Variants in LUZP2 observed in about 807,000 individuals in gnomAD.
LUZP2 encodes leucine zipper protein 2.
In LUZP2, 52 loss-of-function variants were observed where a neutral mutation model predicts 51.6. The ratio of observed to expected loss-of-function variants is 1.01; its 90% CI spans 0.81 to 1.27. The LOEUF is 1.27. Ranked by LOEUF, LUZP2 falls within the 50% of genes most tolerant of loss-of-function variation. The pLI is 0.00. For synonymous variants in LUZP2, 154 were observed against 137.3 expected, an observed-to-expected ratio of 1.12 and a Z score of -0.85; for missense variants, 436 against 395.4, an observed-to-expected ratio of 1.10 and a Z score of -0.87.
At chr11:24,809,687 C>T (rs534658081) in intron 5 of LUZP2, among the ~76,000 whole-genome samples, 2 of 152,102 alleles carry the variant, frequency 1.3e-5, no homozygotes, top group South Asian at 2.1e-4. Flanking sequence ...TTTTAAATAA[C>T]ATTTCTTTCT....
intron 1 of LUZP2, among the ~76,000 whole-genome samples, chr11:24,622,351 T>C (rs1179281687): frequency 1.3e-5 from 2 of 151,718 alleles, no homozygotes; most frequent in Non-Finnish European, 2.9e-5. Context: ...ATTGTTCAAT[T>C]CCCACCTATG....
chr11:24,738,896 G>A, intron 4 of LUZP2, among the ~76,000 whole-genome samples: 1 of 152,038 alleles, frequency 6.6e-6, no homozygotes, highest in East Asian at 1.9e-4. Context: ...GTGTTTCTGA[G>A]AGCCATGCTG....
intron 4 of LUZP2, among the ~76,000 whole-genome samples, chr11:24,739,821 A>T (rs1262961490): frequency 6.6e-6 from 1 of 152,084 alleles, no homozygotes; most frequent in Non-Finnish European, 1.5e-5. Flanking sequence ...TCATGTAAGG[A>T]TTCACTGTTA....
At chr11:24,906,616 ACT>A (rs1413065772) in intron 6 of LUZP2, among the ~76,000 whole-genome samples, 1 of 152,116 alleles carries the variant, frequency 6.6e-6, no homozygotes, top group African/African-American at 2.4e-5. Context: ...TATTCTTATG[ACT>A]CTGTAATGTG....
At chr11:24,753,960 G>A (rs1859683084) in intron 4 of LUZP2, among the ~76,000 whole-genome samples, 1 of 152,074 alleles carries the variant, frequency 6.6e-6, no homozygotes, top group Admixed American at 6.5e-5. Context: ...TAGTATTGGG[G>A]GACCAGCCAA....
At chr11:24,512,583 A>G (rs1235779141) in intron 1 of LUZP2, among the ~76,000 whole-genome samples, 1 of 152,182 alleles carries the variant, frequency 6.6e-6, no homozygotes, top group Non-Finnish European at 1.5e-5. Context: ...TATTTCAAAT[A>G]TCTAAATCAT....
chr11:24,724,386 A>C (rs1030832021), intron 1 of LUZP2, among the ~76,000 whole-genome samples: 1 of 152,116 alleles, frequency 6.6e-6, no homozygotes, highest in East Asian at 1.9e-4. Context: ...CCTGGGTAAC[A>C]TGGCAAAACC....
Position 24,508,472 on chromosome 11 carries a change from T to C in LUZP2, c.62+11167T>C, listed in dbSNP as rs151098338. On this transcript the variant is annotated intron_variant, in intron 1 of 11. Coordinates refer to ENST00000336930, the MANE Select transcript of LUZP2 (RefSeq NM_001009909.4). ...TTGTGGTAAAAGAAAAATAATCATA[T>C]ATTAGCATGGTAATATCTTTATGTG... is the stretch of plus-strand genomic sequence containing the variant. Among the ~76,000 whole-genome samples, 9 of 152,290 alleles carry C rather than the reference T, an allele frequency of 5.9e-5. No individual in the cohort carries two copies. The East Asian group carries it at 1.5e-3, about 26-fold the overall frequency.
chr11:24,619,222 C>A (rs917436403), intron 1 of LUZP2, among the ~76,000 whole-genome samples: 1 of 151,926 alleles, frequency 6.6e-6, no homozygotes, highest in African/African-American at 2.4e-5. Flanking sequence ...CTTGTAGAGA[C>A]AGTATCTTGC....
At chr11:24,803,369 A>G (rs1849751492) in intron 5 of LUZP2, among the ~76,000 whole-genome samples, 1 of 152,060 alleles carries the variant, frequency 6.6e-6, no homozygotes, top group African/African-American at 2.4e-5. Context: ...AAACAACAAC[A>G]GAAAACACAT....
chr11:25,015,201 CAT>C (rs1290210912), intron 9 of LUZP2, among the ~76,000 whole-genome samples: 2 of 152,084 alleles, frequency 1.3e-5, no homozygotes, highest in African/African-American at 4.8e-5. Flanking sequence ...AAGAAAGAAA[CAT>C]TATTATCCTG....
At position 25,004,301 on chromosome 11, in the gene LUZP2, A is replaced by G. The variant is rs564142354; in HGVS notation, c.765+21008A>G. 7.2e-5 allele frequency among the ~76,000 whole-genome samples: 11 copies of G among 152,246 alleles called. No homozygotes were observed. In the South Asian group the frequency reaches 2.3e-3, roughly 32 times the overall value. On this transcript the variant is annotated intron_variant, in intron 9 of 11. Coordinates refer to ENST00000336930, the MANE Select transcript of LUZP2 (RefSeq NM_001009909.4). ...CTTTTTTAAAGTGTCCTTGTAAACA[A>G]TACTGCTAACAAGCCCTACCAGATG...
chr11:24,689,396 C>T (rs1032347275), intron 1 of LUZP2, among the ~76,000 whole-genome samples: 4 of 152,156 alleles, frequency 2.6e-5, no homozygotes, highest in African/African-American at 9.7e-5. Context: ...GTCCTATACC[C>T]ATTAAACTCT....
rs1853715518 is a variant in LUZP2, at chr11:24,602,178, G to GTACATATATGTGTATATA, written c.62+104874_62+104875insACATATATGTGTATATAT. On this transcript the variant is annotated intron_variant, in intron 1 of 11. Transcript: ENST00000336930. ...TATATGTATATATGTGTATATATAT[G>GTACATATATGTGTATATA]TGTATATATGTATATATGTACATAT... 1.8e-5 allele frequency among the ~76,000 whole-genome samples: 2 copies of GTACATATATGTGTATATA among 112,052 alleles called. 1 individual carries two copies. Among genetic ancestry groups the GTACATATATGTGTATATA allele is most frequent in the African/African-American group, 6.8e-5 (2 of 29,306 alleles). 73.5% of individuals were successfully genotyped at this position (112,052 alleles called of 152,430 possible). A position where few individuals can be genotyped will look rare whatever the true frequency, so the allele number is the denominator to read the frequency against.
intron 9 of LUZP2, among the ~76,000 whole-genome samples, chr11:24,993,859 T>A (rs1325432989): frequency 4.0e-5 from 6 of 148,494 alleles, no homozygotes; most frequent in Admixed American, 4.0e-4. Context: ...TCCATTTCTT[T>A]TTTTTGGGGG....
intron 7 of LUZP2, among the ~76,000 whole-genome samples, chr11:24,952,745 T>C (rs1358241296): frequency 6.6e-6 from 1 of 152,004 alleles, no homozygotes; most frequent in African/African-American, 2.4e-5. Flanking sequence ...TACTTTTTGT[T>C]CTACTGTTTG....
At chr11:24,664,376 G>A (rs1235175998) in intron 1 of LUZP2, among the ~76,000 whole-genome samples, 1 of 152,126 alleles carries the variant, frequency 6.6e-6, no homozygotes, top group Non-Finnish European at 1.5e-5. Context: ...ATACAAGTTT[G>A]GAAAATTTGC....
At chr11:24,665,105 C>T (rs529628969) in intron 1 of LUZP2, among the ~76,000 whole-genome samples, 33 of 152,280 alleles carry the variant, frequency 2.2e-4, no homozygotes, top group African/African-American at 7.5e-4. Context: ...CAGGGCAGAG[C>T]TGCTCAAGAC....
At chr11:24,551,975 G>C (rs189678993) in intron 1 of LUZP2, among the ~76,000 whole-genome samples, 1 of 151,740 alleles carries the variant, frequency 6.6e-6, no homozygotes, top group African/African-American at 2.4e-5. Context: ...CAGGCAACAG[G>C]CCCAACTGGC....
Sources: gnomAD v4.1 joint callset for allele counts (sites outside exome capture counted in the v4.1 genomes callset) on GRCh38, gnomAD v4.1.1 for gene constraint, MANE v1.5 for transcripts, NCBI Gene and HGNC (gene_info 2026-07-23, HGNC 2026-07-21) for gene names.